COL5A2: variants seen among roughly 807,000 people sequenced by gnomAD.
COL5A2 encodes the protein collagen type V alpha 2 chain.
A neutral mutation model predicts 208.2 loss-of-function variants in COL5A2; 23 were observed. The ratio of observed to expected loss-of-function variants is 0.11; its 90% CI spans 0.08 to 0.16. The LOEUF (loss-of-function observed/expected upper bound fraction) is 0.16, where lower values mean the gene tolerates loss of function less well. Among genes scored for constraint, COL5A2 ranks in the 10% least tolerant of loss-of-function variants. The pLI is 1.00. For synonymous variants in COL5A2, 625 were observed against 628.5 expected (o/e 0.99, Z 0.08); for missense variants, 1,590 against 1,956.4 (o/e 0.81, Z 3.53).
chr2:189,427,216 T>A, the COL5A2 span, among the ~76,000 whole-genome samples: 1 of 152,232 alleles, frequency 6.6e-6, no homozygotes. Flanking sequence ...CAGCTCCAGC[T>A]GTAGCTCAAA....
At chr2:189,316,784 C>CA in the COL5A2 span, among the ~76,000 whole-genome samples, 546 of 136,898 alleles carry the variant, frequency 4.0e-3, 7 homozygotes, top group African/African-American at 0.011. Context: ...CACTTAAAAG[C>CA]AAAAAAAAAA....
chr2:189,154,617 C>T (rs532083355), intron 1 of COL5A2, among the ~76,000 whole-genome samples: 45 of 152,238 alleles, frequency 3.0e-4, no homozygotes, highest in African/African-American at 9.4e-4. Flanking sequence ...CCTCTGTGGC[C>T]GTCAAAATGA....
At chr2:189,116,821 C>T (rs1357355756) in intron 1 of COL5A2, among the ~76,000 whole-genome samples, 1 of 152,132 alleles carries the variant, frequency 6.6e-6, no homozygotes, top group Non-Finnish European at 1.5e-5. Context: ...CCACTAAGGA[C>T]AATCATGTTT....
intron 1 of COL5A2, among the ~76,000 whole-genome samples, chr2:189,223,008 A>C (rs1323806472): frequency 6.6e-6 from 1 of 152,200 alleles, no homozygotes; most frequent in African/African-American, 2.4e-5. Flanking sequence ...GATAACATTC[A>C]AGGCTATAAA....
intron 1 of COL5A2, among the ~76,000 whole-genome samples, chr2:189,218,888 A>C (rs1016446897): frequency 6.6e-6 from 1 of 152,190 alleles, no homozygotes; most frequent in Non-Finnish European, 1.5e-5. Flanking sequence ...GAAAAAAAAA[A>C]TGAACTTCTC....
chr2:189,046,938 G>A (rs1475851518), intron 45 of COL5A2, among the ~76,000 whole-genome samples: 1 of 151,908 alleles, frequency 6.6e-6, no homozygotes, highest in African/African-American at 2.4e-5. Context: ...CCTGGCCAAC[G>A]TGGTGAAACC....
the COL5A2 span, among the ~76,000 whole-genome samples, chr2:189,435,247 A>G: frequency 1.3e-5 from 2 of 152,230 alleles, no homozygotes; most frequent in Non-Finnish European, 2.9e-5. Context: ...AGGCAATACC[A>G]TTCACGACAT....
the COL5A2 span, among the ~76,000 whole-genome samples, chr2:189,321,016 A>G: frequency 6.6e-6 from 1 of 152,238 alleles, no homozygotes; most frequent in Non-Finnish European, 1.5e-5. Context: ...AATATTCAAC[A>G]TTCTTAAAGA....
chr2:189,323,226 C>A, the COL5A2 span, among the ~76,000 whole-genome samples: 1 of 152,098 alleles, frequency 6.6e-6, no homozygotes, highest in East Asian at 1.9e-4. Flanking sequence ...ACTGAATGGG[C>A]AAAAACTGGG....
chr2:189,269,466 GA>G, the COL5A2 span, among the ~76,000 whole-genome samples: 1 of 152,040 alleles, frequency 6.6e-6, no homozygotes, highest in East Asian at 1.9e-4. Flanking sequence ...GAATTTTATC[GA>G]AGGCCTTTTC....
the COL5A2 span, among the ~76,000 whole-genome samples, chr2:189,395,926 A>G: frequency 1.6e-4 from 21 of 135,410 alleles, no homozygotes; most frequent in African/African-American, 5.6e-4. Context: ...AAAAAAAAAA[A>G]AAGAAGCTAT....
At chr2:189,218,093 C>T (rs1028095255) in intron 1 of COL5A2, among the ~76,000 whole-genome samples, 5 of 152,140 alleles carry the variant, frequency 3.3e-5, no homozygotes, top group African/African-American at 9.7e-5. Context: ...GTCATGGATT[C>T]TAAGAACGTT....
intron 7 of COL5A2, among the ~76,000 whole-genome samples, chr2:189,091,487 A>C (rs1576520551): frequency 1.3e-5 from 2 of 152,244 alleles, no homozygotes; most frequent in African/African-American, 4.8e-5. Context: ...GCATCAAAGC[A>C]AAACACCCTA....
At chr2:189,134,329 C>T (rs953370827) in intron 1 of COL5A2, among the ~76,000 whole-genome samples, 1 of 152,220 alleles carries the variant, frequency 6.6e-6, no homozygotes, top group Non-Finnish European at 1.5e-5. Flanking sequence ...GTGGCTCACA[C>T]CTGTAATCCC....
At chr2:189,237,563 C>T in the COL5A2 span, among the ~76,000 whole-genome samples, 1 of 151,654 alleles carries the variant, frequency 6.6e-6, no homozygotes. Flanking sequence ...TTAAGAAATG[C>T]ACCTCAGAGA....
At chr2:189,147,502 T>C (rs1362556377) in intron 1 of COL5A2, among the ~76,000 whole-genome samples, 3 of 152,078 alleles carry the variant, frequency 2.0e-5, no homozygotes, top group Non-Finnish European at 4.4e-5. Flanking sequence ...AGAGGAATCA[T>C]GGTACTGGGA....
At chr2:189,044,796 T>A (rs905740627) in intron 47 of COL5A2, among the ~76,000 whole-genome samples, 1 of 152,124 alleles carries the variant, frequency 6.6e-6, no homozygotes, top group Non-Finnish European at 1.5e-5. Context: ...AAGAAAAATC[T>A]AGTTGAAAAT....
intron 47 of COL5A2, 68 bp from the exon 48 acceptor site, chr2:189,043,326 A>G (rs1270250046): frequency 1.1e-5 from 13 of 1,131,650 alleles, no homozygotes; most frequent in Non-Finnish European, 1.6e-5. Flanking sequence ...ATTTACTAAA[A>G]TTTTACTTTT....
chr2:189,205,272 T>C (rs1366376570), intron 1 of COL5A2, among the ~76,000 whole-genome samples: 1 of 152,248 alleles, frequency 6.6e-6, no homozygotes, highest in African/African-American at 2.4e-5. Flanking sequence ...GTGTTCACTC[T>C]ATACCAGACA....
Sources: gnomAD v4.1 joint callset for allele counts (sites outside exome capture counted in the v4.1 genomes callset) on GRCh38, gnomAD v4.1.1 for gene constraint, MANE v1.5 for transcripts, NCBI Gene and HGNC (gene_info 2026-07-23, HGNC 2026-07-21) for gene names.